NBEA: variants seen among roughly 807,000 people sequenced by gnomAD.
NBEA encodes neurobeachin.
In NBEA, 44 loss-of-function variants were observed where a neutral mutation model predicts 343.4. The ratio of observed to expected loss-of-function variants is 0.13; its 90% CI spans 0.10 to 0.16. NBEA has a LOEUF of 0.16. Ranked by LOEUF, NBEA falls within the 10% of genes least tolerant of loss-of-function variation. NBEA has a pLI of 1.00. For missense variants in NBEA, 2,555 were observed against 3,631.3 expected, an observed-to-expected ratio of 0.70 and a Z score of 7.62; for synonymous variants, 1,175 against 1,238.7, an observed-to-expected ratio of 0.95 and a Z score of 1.08.
intron 33 of NBEA, among the ~76,000 whole-genome samples, chr13:35,226,893 G>T (rs1396631292): frequency 6.6e-6 from 1 of 151,894 alleles, no homozygotes; most frequent in Non-Finnish European, 1.5e-5. Context: ...GCATCATCAT[G>T]CTCACGTAGG....
At chr13:35,247,416 G>A (rs2031371683) in intron 34 of NBEA, among the ~76,000 whole-genome samples, 1 of 152,138 alleles carries the variant, frequency 6.6e-6, no homozygotes, top group South Asian at 2.1e-4. Context: ...AGACACATTA[G>A]GAATGGCTTC....
intron 41 of NBEA, among the ~76,000 whole-genome samples, chr13:35,496,470 A>G (rs193003242): frequency 6.6e-6 from 1 of 151,558 alleles, no homozygotes; most frequent in Non-Finnish European, 1.5e-5. Context: ...TCTTGTCTCT[A>G]AAAAAATGAA....
Position 34,978,556 on chromosome 13 carries a change from A to T in NBEA, c.294+35442A>T, listed in dbSNP as rs548697257. On this transcript the variant is annotated intron_variant, in intron 1 of 58. Coordinates refer to ENST00000379939, the MANE Select transcript of NBEA (RefSeq NM_001385012.1). ...TGTGACAAATGCATGTACCTGAGTA[A>T]CCCAAACCTAGAACATTATAGTCAT... is the stretch of plus-strand genomic sequence containing the variant. 1.1e-4 allele frequency among the ~76,000 whole-genome samples: 17 copies of T among 152,244 alleles called. No individual in the cohort carries two copies. In the South Asian group the frequency reaches 3.3e-3, roughly 30 times the overall value.
intron 13 of NBEA, among the ~76,000 whole-genome samples, chr13:35,112,144 C>T (rs959710155): frequency 6.6e-6 from 1 of 151,530 alleles, no homozygotes; most frequent in African/African-American, 2.4e-5. Flanking sequence ...GTGTTGATCT[C>T]CTGACCTCGT....
At chr13:35,179,869 C>T in intron 28 of NBEA, 1 of 786,690 alleles carries the variant, frequency 1.3e-6, no homozygotes, top group Non-Finnish European at 1.5e-6. Context: ...TTGATTTCTT[C>T]ACTTCTCTCT....
At chr13:35,318,640 C>T (rs958383820) in intron 36 of NBEA, among the ~76,000 whole-genome samples, 1 of 152,116 alleles carries the variant, frequency 6.6e-6, no homozygotes, top group Non-Finnish European at 1.5e-5. Flanking sequence ...AGGAGTCCCT[C>T]TTTTTCTACT....
chr13:35,452,261 A>G (rs1205903592), intron 40 of NBEA, 26 bp downstream of exon 40: 5 of 1,524,260 alleles, frequency 3.3e-6, no homozygotes, highest in African/African-American at 2.8e-5. Flanking sequence ...TATTTTTCCT[A>G]TTTGTTGTAA....
intron 17 of NBEA, among the ~76,000 whole-genome samples, chr13:35,138,319 A>G (rs1378473850): frequency 1.3e-5 from 2 of 152,130 alleles, no homozygotes; most frequent in Non-Finnish European, 2.9e-5. Flanking sequence ...TTTTAACCCA[A>G]TCATTTCAGT....
intron 41 of NBEA, among the ~76,000 whole-genome samples, chr13:35,523,291 A>G (rs1314232827): frequency 6.6e-6 from 1 of 152,208 alleles, no homozygotes; most frequent in Non-Finnish European, 1.5e-5. Context: ...TGTTGCCTAC[A>G]TTCATGTAAC....
intron 33 of NBEA, among the ~76,000 whole-genome samples, chr13:35,213,245 C>G (rs955877537): frequency 6.6e-6 from 1 of 151,980 alleles, no homozygotes; most frequent in African/African-American, 2.4e-5. Context: ...TGTGTTCTGT[C>G]ACTTTTGTCA....
At chr13:35,445,415 A>C (rs1024460718) in intron 39 of NBEA, among the ~76,000 whole-genome samples, 1 of 152,210 alleles carries the variant, frequency 6.6e-6, no homozygotes, top group East Asian at 1.9e-4. Context: ...ATCCTGTGAA[A>C]GAAAATGTGG....
chr13:35,223,431 T>G lies in NBEA; in HGVS notation c.5649-9061T>G, dbSNP rs138961865. On this transcript the variant is annotated intron_variant, in intron 33 of 58. Coordinates refer to ENST00000379939, the MANE Select transcript of NBEA (RefSeq NM_001385012.1). ...TATAAAATTGTGGACTTATGTAATT[T>G]TAAAATGGCTTTGAAAGGGATTTCA... is the stretch of plus-strand genomic sequence containing the variant. Among the ~76,000 whole-genome samples the G allele has an allele frequency of 2.4e-3, 364 of 152,332 alleles. 2 individuals are homozygous for G. Among genetic ancestry groups the G allele is most frequent in the African/African-American group, 8.1e-3 (335 of 41,592 alleles).
chr13:35,308,686 A>C, intron 35 of NBEA, among the ~76,000 whole-genome samples: 1 of 146,676 alleles, frequency 6.8e-6, no homozygotes, highest in East Asian at 2.0e-4. Flanking sequence ...CCAAATATAT[A>C]TATTTAAATA....
At chr13:34,992,497 G>A (rs890973950) in intron 1 of NBEA, among the ~76,000 whole-genome samples, 9 of 149,914 alleles carry the variant, frequency 6.0e-5, no homozygotes, top group African/African-American at 1.2e-4. Flanking sequence ...CACCACGCCC[G>A]GCCAAGAAGC....
intron 1 of NBEA, among the ~76,000 whole-genome samples, chr13:34,955,394 ATAAAT>A (rs1277798333): frequency 1.3e-5 from 2 of 152,154 alleles, no homozygotes; most frequent in Non-Finnish European, 2.9e-5. Flanking sequence ...GAATAAACAG[ATAAAT>A]TATAATGGAT....
chr13:35,295,607 CAA>C (rs1409595385), intron 35 of NBEA, among the ~76,000 whole-genome samples: 3 of 151,926 alleles, frequency 2.0e-5, no homozygotes, highest in African/African-American at 7.3e-5. Context: ...CCTCAGATAA[CAA>C]TATTTAAAAT....
At chr13:35,114,944 A>G (rs2066421479) in intron 13 of NBEA, among the ~76,000 whole-genome samples, 1 of 152,136 alleles carries the variant, frequency 6.6e-6, no homozygotes, top group Non-Finnish European at 1.5e-5. Context: ...GCACTACACT[A>G]GCTTTCGTAG....
At chr13:35,247,869 C>T (rs2031435817) in intron 34 of NBEA, among the ~76,000 whole-genome samples, 1 of 151,512 alleles carries the variant, frequency 6.6e-6, no homozygotes, top group African/African-American at 2.4e-5. Flanking sequence ...AAACCTTTAG[C>T]TTGATTTAGG....
intron 8 of NBEA, 62 bp from the exon 9 acceptor site, chr13:35,069,846 A>T (rs2063799893): frequency 8.3e-7 from 1 of 1,210,988 alleles, no homozygotes; most frequent in Non-Finnish European, 1.1e-6. Flanking sequence ...TCTCTGCTTT[A>T]AAACTTTTGA....
Sources: gnomAD v4.1 joint callset for allele counts (sites outside exome capture counted in the v4.1 genomes callset) on GRCh38, gnomAD v4.1.1 for gene constraint, MANE v1.5 for transcripts, NCBI Gene and HGNC (gene_info 2026-07-23, HGNC 2026-07-21) for gene names.